The following MBTPS1 variants were observed in gnomAD, a reference collection of about 807,000 sequenced individuals.
MBTPS1 encodes the protein membrane bound transcription factor peptidase, site 1.
Under a neutral mutation model 127.8 loss-of-function variants are expected in MBTPS1, and 94 were observed. That is an observed-to-expected ratio of 0.74 (90% CI 0.62 to 0.87). The LOEUF (loss-of-function observed/expected upper bound fraction) is 0.87, where lower values mean the gene tolerates loss of function less well. Among genes scored for constraint, MBTPS1 ranks in the 40% least tolerant of loss-of-function variants. MBTPS1 has a pLI of 0.00. For missense variants in MBTPS1, 1,636 were observed against 1,353.2 expected, an observed-to-expected ratio of 1.21 and a Z score of -3.28; for synonymous variants, 632 against 509.4, an observed-to-expected ratio of 1.24 and a Z score of -3.24.
intron 22 of MBTPS1, among the ~76,000 whole-genome samples, 192 bp downstream of exon 22, chr16:84,055,813 T>C (rs1055762515): frequency 8.5e-5 from 13 of 152,124 alleles, no homozygotes; most frequent in Admixed American, 8.5e-4. Context: ...GAAACAACAA[T>C]CTCTTAATCT....
At chr16:84,064,149 A>G (rs920996648) in intron 18 of MBTPS1, among the ~76,000 whole-genome samples, 2 of 151,874 alleles carry the variant, frequency 1.3e-5, no homozygotes, top group South Asian at 2.1e-4. Context: ...CCCTAATTCA[A>G]TTGCTTTCCT....
intron 1 of MBTPS1, among the ~76,000 whole-genome samples, chr16:84,109,748 C>G (rs1321805713): frequency 6.6e-6 from 1 of 152,198 alleles, no homozygotes; most frequent in Non-Finnish European, 1.5e-5. Flanking sequence ...ACTCATGAAT[C>G]CAAACTGGAT....
intron 11 of MBTPS1, among the ~76,000 whole-genome samples, chr16:84,081,164 G>A (rs143726271): frequency 1.2e-4 from 18 of 152,352 alleles, no homozygotes; most frequent in Non-Finnish European, 1.6e-4. Context: ...AGATACTAAG[G>A]TGAGGGAAAG....
At chr16:84,109,314 A>G (rs1369787261) in intron 1 of MBTPS1, 1 of 152,246 alleles carries the variant, frequency 6.6e-6, no homozygotes, top group African/African-American at 2.4e-5. Flanking sequence ...ATAAATAATA[A>G]CAGATCCCAA....
chr16:84,059,322 A>G lies in MBTPS1; in HGVS notation c.2811T>C (p.Pro937=). 3.1e-6 allele frequency: 5 copies of G among 1,614,026 alleles called. No homozygotes were observed. The highest frequency in any genetic ancestry group is 4.2e-6 in the Non-Finnish European group (5 of 1,179,876). ...CPRLSWAKPQ[P]LNETAPSNLW... ...CTAACCTGGGCGCCGTCTCGTTTAA[A>G]GGCTGTGGCTTGGCCCAAGACAAGC... Residue 937 remains proline, a synonymous_variant, in exon 21 of 23, where the codon CCT becomes CCC. Transcript: ENST00000343411.
At chr16:84,082,684 G>A (rs1047637077) in intron 10 of MBTPS1, among the ~76,000 whole-genome samples, 15 of 152,116 alleles carry the variant, frequency 9.9e-5, no homozygotes, top group Admixed American at 2.6e-4. Flanking sequence ...CTAAATATTC[G>A]TATGTGATGA....
At position 84,090,923 on chromosome 16, in the gene MBTPS1, T is replaced by C; in HGVS notation, c.983A>G (p.Asn328Ser). ...FVDKVWELTANNVIMVSAIGN... is the reference protein window; with the variant it reads ...FVDKVWELTASNVIMVSAIGN... ...AATAGCAGAAACCATGATTACATTGTTAGCTGTTAATTCCCACACCTACAA... is the reference window on the plus strand; with the variant it reads ...AATAGCAGAAACCATGATTACATTGCTAGCTGTTAATTCCCACACCTACAA... The change falls in exon 8 of 23, where the codon AAC becomes AGC. Residue 328 changes from asparagine (N) to serine (S), a missense_variant. Coordinates refer to ENST00000343411, the MANE Select transcript of MBTPS1 (RefSeq NM_003791.4). 1 of 1,613,210 alleles carries C rather than the reference T, an allele frequency of 6.2e-7. No homozygotes were observed.
intron 12 of MBTPS1, among the ~76,000 whole-genome samples, chr16:84,072,556 G>A (rs2085785893): frequency 6.6e-6 from 1 of 152,128 alleles, no homozygotes; most frequent in Non-Finnish European, 1.5e-5. Context: ...CTTTGGGAGG[G>A]CAAGGCGGGA....
intron 8 of MBTPS1, among the ~76,000 whole-genome samples, chr16:84,087,720 A>G (rs2086051169): frequency 6.6e-6 from 1 of 152,058 alleles, no homozygotes; most frequent in Non-Finnish European, 1.5e-5. Context: ...AACTTGGCAC[A>G]CTGGGGCTCA....
intron 1 of MBTPS1, among the ~76,000 whole-genome samples, chr16:84,102,429 T>C (rs993475115): frequency 6.6e-6 from 1 of 152,234 alleles, no homozygotes; most frequent in Non-Finnish European, 1.5e-5. Flanking sequence ...ATTTACTTAT[T>C]ACTCACTGCT....
At chr16:84,109,545 G>A (rs898322706) in intron 1 of MBTPS1, 16 of 152,122 alleles carry the variant, frequency 1.1e-4, no homozygotes, top group East Asian at 1.9e-4. Context: ...GAGAAGAGCC[G>A]GCATCACTTC....
At chr16:84,102,403 A>AT (rs1491579131) in intron 1 of MBTPS1, among the ~76,000 whole-genome samples, 16 of 152,234 alleles carry the variant, frequency 1.1e-4, no homozygotes, top group African/African-American at 2.4e-5. Context: ...ACCATGAAAC[A>AT]TATTATTTCA....
At chr16:84,098,663 C>CGAA (rs2086212257) in intron 3 of MBTPS1, among the ~76,000 whole-genome samples, 1 of 151,954 alleles carries the variant, frequency 6.6e-6, no homozygotes, top group African/African-American at 2.4e-5. Flanking sequence ...CTGAGAGAAG[C>CGAA]GAAATGCAAG....
At chr16:84,066,343 T>C (rs987810891) in intron 17 of MBTPS1, 146 bp downstream of exon 17, 2 of 782,744 alleles carry the variant, frequency 2.6e-6, no homozygotes, top group South Asian at 2.5e-5. Context: ...CTCACAGATG[T>C]ACTTTTGAAA....
intron 2 of MBTPS1, among the ~76,000 whole-genome samples, chr16:84,101,383 T>G (rs2086252613): frequency 1.3e-5 from 2 of 151,086 alleles, no homozygotes; most frequent in Admixed American, 1.3e-4. Context: ...CCCAGCTACT[T>G]GGGAGGCTGA....
intron 18 of MBTPS1, among the ~76,000 whole-genome samples, chr16:84,064,361 T>A (rs1366567345): frequency 6.6e-6 from 1 of 152,092 alleles, no homozygotes; most frequent in Non-Finnish European, 1.5e-5. Flanking sequence ...TCACCGCCAT[T>A]TGCCTTGTGG....
intron 11 of MBTPS1, among the ~76,000 whole-genome samples, chr16:84,077,538 A>G (rs1017589051): frequency 2.0e-5 from 3 of 152,190 alleles, no homozygotes; most frequent in Admixed American, 1.3e-4. Flanking sequence ...ATGGGTGGCC[A>G]TTTGGCAAAA....
At position 84,056,023 on chromosome 16, in the gene MBTPS1, C is replaced by T. The variant is rs145043514; in HGVS notation, c.2944G>A (p.Ala982Thr). ...VRPLSPGESGAWDIPGGIMPG... is the reference protein window; with the variant it reads ...VRPLSPGESGTWDIPGGIMPG... ...AACTCACCTCCAGGAATGTCCCAGG[C>T]GCCGCTCTCTCCAGGGGACAAGGGC... is the stretch of plus-strand genomic sequence containing the variant. The change falls in exon 22 of 23, where the codon GCC (alanine) becomes ACC (threonine). Residue 982 changes from alanine (A) to threonine (T), a missense_variant. Ala to Thr is a moderately conservative substitution (Grantham distance 58). Transcript: ENST00000343411. 8 of 1,613,106 alleles carry T rather than the reference C, an allele frequency of 5.0e-6. No individual in the cohort carries two copies. Among genetic ancestry groups the T allele is most frequent in the South Asian group, 4.4e-5 (4 of 91,018 alleles).
Position 84,069,624 on chromosome 16 carries a change from G to A in MBTPS1, c.1955+242C>T, listed in dbSNP as rs537473194. Among the ~76,000 whole-genome samples the A allele has an allele frequency of 6.8e-4, 103 of 152,328 alleles. 1 individual carries two copies. Among genetic ancestry groups the A allele is most frequent in the African/African-American group, 2.2e-3 (93 of 41,560 alleles). On this transcript the variant is annotated intron_variant, in intron 14 of 22. Transcript: ENST00000343411. ...AAGACTGACAGCTTTGCTGACTGGC[G>A]CAATGGGAGAAGGAAGGAAAAGAGA...
Sources: gnomAD v4.1 joint callset for allele counts (sites outside exome capture counted in the v4.1 genomes callset) on GRCh38, gnomAD v4.1.1 for gene constraint, MANE v1.5 for transcripts, NCBI Gene and HGNC (gene_info 2026-07-23, HGNC 2026-07-21) for gene names.